Variants in PDE12 observed in about 807,000 individuals in gnomAD.
The protein encoded by PDE12 is phosphodiesterase 12.
A neutral mutation model predicts 45.4 loss-of-function variants in PDE12; 26 were observed. That is an observed-to-expected ratio of 0.57 (90% CI 0.42 to 0.79). PDE12 has a LOEUF of 0.79. Among genes scored for constraint, PDE12 ranks in the 30% least tolerant of loss-of-function variants. The pLI, the probability that PDE12 is intolerant of heterozygous loss-of-function variation, is 0.00. For synonymous variants in PDE12, 283 were observed against 323.9 expected (o/e 0.87, Z 1.36); for missense variants, 668 against 790.0 (o/e 0.85, Z 1.85).
the PDE12 span, chr3:57,634,584 C>A: frequency 6.9e-7 from 1 of 1,445,662 alleles, no homozygotes; most frequent in South Asian, 1.4e-5. Flanking sequence ...ATGATCTCTT[C>A]ATCTCTATTT....
At chr3:57,611,876 C>T in the PDE12 span, among the ~76,000 whole-genome samples, 3 of 152,114 alleles carry the variant, frequency 2.0e-5, no homozygotes, top group Non-Finnish European at 4.4e-5. Context: ...CCAGCCATCC[C>T]ATTACTGGGT....
At chr3:57,623,416 C>T in the PDE12 span, among the ~76,000 whole-genome samples, 1 of 152,184 alleles carries the variant, frequency 6.6e-6, no homozygotes, top group Non-Finnish European at 1.5e-5. Flanking sequence ...TGGTGGCTCA[C>T]ATCTGTAATC....
chr3:57,582,703 T>C, the PDE12 span, among the ~76,000 whole-genome samples: 1 of 148,196 alleles, frequency 6.7e-6, no homozygotes, highest in African/African-American at 2.4e-5. Context: ...CAAGATGACA[T>C]TGCAAGTCTT....
chr3:57,586,548 G>A, the PDE12 span, among the ~76,000 whole-genome samples: 1 of 152,152 alleles, frequency 6.6e-6, no homozygotes, highest in South Asian at 2.1e-4. Flanking sequence ...CCTTTGTCCT[G>A]TAAAACCCTG....
the PDE12 span, among the ~76,000 whole-genome samples, chr3:57,592,270 C>A: frequency 6.6e-6 from 1 of 152,018 alleles, no homozygotes; most frequent in Non-Finnish European, 1.5e-5. Flanking sequence ...AGGTGGATCA[C>A]CTGAGGTCAG....
At chr3:57,614,482 A>T in the PDE12 span, among the ~76,000 whole-genome samples, 1 of 151,994 alleles carries the variant, frequency 6.6e-6, no homozygotes, top group African/African-American at 2.4e-5. Flanking sequence ...CATTATATAA[A>T]AAAGACACCT....
the PDE12 span, among the ~76,000 whole-genome samples, chr3:57,590,314 G>T: frequency 6.6e-6 from 1 of 150,584 alleles, no homozygotes; most frequent in African/African-American, 2.4e-5. Context: ...GTGAAACCCT[G>T]TCTCTACTAA....
the PDE12 span, among the ~76,000 whole-genome samples, chr3:57,642,097 G>A: frequency 4.0e-5 from 6 of 151,856 alleles, no homozygotes; most frequent in Non-Finnish European, 7.4e-5. Flanking sequence ...GGCAGATCAC[G>A]AGGTTAGGAG....
chr3:57,575,009 C>T, the PDE12 span, among the ~76,000 whole-genome samples: 1 of 152,114 alleles, frequency 6.6e-6, no homozygotes, highest in Non-Finnish European at 1.5e-5. Flanking sequence ...GCAACCACAC[C>T]TGGCTAATTT....
chr3:57,615,693 A>G, the PDE12 span, among the ~76,000 whole-genome samples: 2 of 152,204 alleles, frequency 1.3e-5, no homozygotes, highest in South Asian at 4.1e-4. Context: ...AATCCTGGCA[A>G]CCCAGGAGGC....
chr3:57,590,699 G>A, the PDE12 span, among the ~76,000 whole-genome samples: 1 of 151,928 alleles, frequency 6.6e-6, no homozygotes, highest in East Asian at 1.9e-4. Flanking sequence ...TGTTTTTTGA[G>A]ACAGGGTCTC....
the PDE12 span, among the ~76,000 whole-genome samples, chr3:57,610,437 G>A: frequency 2.0e-5 from 3 of 152,160 alleles, no homozygotes; most frequent in African/African-American, 7.2e-5. Flanking sequence ...AAAAGAGGAA[G>A]TCAAATTGTC....
At chr3:57,579,253 CAAAAAAAA>C in the PDE12 span, among the ~76,000 whole-genome samples, 4 of 47,612 alleles carry the variant, frequency 8.4e-5, no homozygotes, top group South Asian at 2.8e-3. Flanking sequence ...AACTACATCT[CAAAAAAAA>C]AAAAAAAAAA....
At chr3:57,573,527 A>C in the PDE12 span, among the ~76,000 whole-genome samples, 2 of 152,186 alleles carry the variant, frequency 1.3e-5, no homozygotes, top group East Asian at 3.8e-4. Context: ...TCATACCTTC[A>C]CAGCATGGAA....
At chr3:57,587,606 T>C in the PDE12 span, among the ~76,000 whole-genome samples, 1 of 152,110 alleles carries the variant, frequency 6.6e-6, no homozygotes, top group African/African-American at 2.4e-5. Context: ...ATTAAAATGT[T>C]GGGCTGTTTA....
the PDE12 span, among the ~76,000 whole-genome samples, chr3:57,574,947 C>T: frequency 1.3e-5 from 2 of 151,868 alleles, no homozygotes; most frequent in African/African-American, 2.4e-5. Flanking sequence ...CTCCTGGGTT[C>T]AAGTGATTCT....
the PDE12 span, among the ~76,000 whole-genome samples, chr3:57,603,968 A>G: frequency 6.8e-6 from 1 of 146,888 alleles, no homozygotes; most frequent in South Asian, 2.2e-4. Context: ...TCTGTTGCCC[A>G]GGCTAGAATG....
chr3:57,577,448 T>C, the PDE12 span: 3 of 1,350,170 alleles, frequency 2.2e-6, no homozygotes, highest in Non-Finnish European at 3.2e-6. Context: ...TATGAAACAG[T>C]GTAGGCAGCA....
chr3:57,615,459 A>T, the PDE12 span, among the ~76,000 whole-genome samples: 2 of 152,170 alleles, frequency 1.3e-5, no homozygotes, highest in South Asian at 2.1e-4. Context: ...GAGTAACTAA[A>T]AAAAGAGAGA....
Sources: gnomAD v4.1 joint callset for allele counts (sites outside exome capture counted in the v4.1 genomes callset) on GRCh38, gnomAD v4.1.1 for gene constraint, MANE v1.5 for transcripts, NCBI Gene and HGNC (gene_info 2026-07-23, HGNC 2026-07-21) for gene names.